The following CASK variants were observed in gnomAD, a reference collection of about 807,000 sequenced individuals.
CASK encodes the protein peripheral plasma membrane protein CASK.
In CASK, 4 loss-of-function variants were observed where a neutral mutation model predicts 82.9. The observed-to-expected ratio is 0.05, with a 90% CI of 0.02 to 0.11. CASK has a LOEUF of 0.11. Among genes scored for constraint, CASK ranks in the 10% least tolerant of loss-of-function variants. The probability of loss-of-function intolerance (pLI) is 1.00; values close to 1 mark genes in which losing one functional copy is unlikely to be tolerated. For missense variants in CASK, 358 were observed against 720.9 expected (o/e 0.50, Z 5.76); for synonymous variants, 259 against 253.5 (o/e 1.02, Z -0.20).
intron 1 of CASK, among the ~76,000 whole-genome samples, chrX:41,859,256 G>C (rs1035282396): frequency 1.3e-4 from 14 of 111,519 alleles, no homozygotes; most frequent in African/African-American, 4.6e-4. Flanking sequence ...GGAAAGTGAA[G>C]GCCAAGAACA....
In CASK at chrX:41,610,593, A is replaced by G. The variant is rs189553748; in HGVS notation, c.1034-568T>C. Reference sequence around the variant, plus strand: ...TTTACATACAGACTCAAGAGATCCAAAGTCATTCTCATTCTGTTTTACTCT... The same window carrying G: ...TTTACATACAGACTCAAGAGATCCAGAGTCATTCTCATTCTGTTTTACTCT... On this transcript the variant is annotated intron_variant, in intron 11 of 26. Transcript: ENST00000378163. 3.6e-5 allele frequency among the ~76,000 whole-genome samples: 4 copies of G among 111,863 alleles called. No homozygotes were observed. The East Asian group carries it at 1.1e-3, about 31-fold the overall frequency.
intron 15 of CASK, among the ~76,000 whole-genome samples, chrX:41,571,613 T>G (rs1569313257): frequency 8.9e-6 from 1 of 112,029 alleles, no homozygotes; most frequent in Non-Finnish European, 1.9e-5. Context: ...TCTGTTTTAT[T>G]GATACTCTAT....
intron 5 of CASK, among the ~76,000 whole-genome samples, chrX:41,721,213 G>C (rs1243635988): frequency 9.0e-6 from 1 of 110,653 alleles, no homozygotes; most frequent in Non-Finnish European, 1.9e-5. Flanking sequence ...AATGAGAAAA[G>C]TCCAAAGGGG....
At chrX:41,812,041 A>G (rs1416798535) in intron 2 of CASK, among the ~76,000 whole-genome samples, 2 of 111,805 alleles carry the variant, frequency 1.8e-5, no homozygotes, top group Non-Finnish European at 1.9e-5. Flanking sequence ...TAAACCAGGA[A>G]GAAGTTGAAT....
rs775125695 is a variant in CASK, at chrX:41,747,907, T to A, written c.279-2306A>T. Reference sequence around the variant, plus strand: ...AAAGTCATTCATGATTGCTTTAATTTGCATTTCCTTGATTACTACAGAGAG... The same window carrying A: ...AAAGTCATTCATGATTGCTTTAATTAGCATTTCCTTGATTACTACAGAGAG... On this transcript the variant is annotated intron_variant, in intron 3 of 26. Coordinates refer to ENST00000378163, the MANE Select transcript of CASK (RefSeq NM_001367721.1). 2.0e-4 allele frequency among the ~76,000 whole-genome samples: 22 copies of A among 112,657 alleles called. 1 individual carries two copies. In the Admixed American group the frequency reaches 2.1e-3, roughly 11 times the overall value.
At chrX:41,691,059 T>TGG (rs1394959443) in intron 5 of CASK, among the ~76,000 whole-genome samples, 1 of 112,468 alleles carries the variant, frequency 8.9e-6, no homozygotes, top group East Asian at 2.8e-4. Flanking sequence ...ACAAATGCAC[T>TGG]GGCTTTGCTT....
At chrX:41,630,469 TACATTTTTAA>T (rs1327416540) in intron 9 of CASK, among the ~76,000 whole-genome samples, 1 of 111,768 alleles carries the variant, frequency 8.9e-6, no homozygotes, top group African/African-American at 3.3e-5. Flanking sequence ...GGCAGAAGGG[TACATTTTTAA>T]ACCTTAAATA....
chrX:41,549,979 G>A (rs2065073897), intron 21 of CASK, among the ~76,000 whole-genome samples: 1 of 108,887 alleles, frequency 9.2e-6, no homozygotes, highest in Non-Finnish European at 1.9e-5. Flanking sequence ...GGCCAACCTG[G>A]TGAAACCCTG....
chrX:41,539,511 T>C (rs997109813), intron 22 of CASK, among the ~76,000 whole-genome samples: 14 of 111,980 alleles, frequency 1.3e-4, no homozygotes, highest in Admixed American at 1.2e-3. Context: ...GAAAAATCCT[T>C]TTGAGATATT....
intron 1 of CASK, among the ~76,000 whole-genome samples, chrX:41,891,506 GA>G (rs1021669985): frequency 3.6e-5 from 4 of 111,849 alleles, no homozygotes; most frequent in African/African-American, 9.8e-5. Flanking sequence ...CTTATTCAAA[GA>G]AAAGGGTCAC....
At chrX:41,728,979 G>A (rs1248394357) in intron 5 of CASK, 2 of 123,301 alleles carry the variant, frequency 1.6e-5, no homozygotes, top group Non-Finnish European at 3.8e-5. Flanking sequence ...CTTTGTCAAA[G>A]TAAAAAGCTA....
intron 1 of CASK, among the ~76,000 whole-genome samples, chrX:41,915,209 C>T (rs1177175853): frequency 9.0e-6 from 1 of 111,118 alleles, no homozygotes; most frequent in East Asian, 2.8e-4. Flanking sequence ...CCCAAATCTT[C>T]ACTGCCATTC....
At chrX:41,558,189 T>C (rs1260480191) in intron 18 of CASK, 2 of 108,583 alleles carry the variant, frequency 1.8e-5, no homozygotes, top group East Asian at 5.7e-4. Flanking sequence ...TTTTGAAGTA[T>C]TGCCCTAGCT....
chrX:41,905,237 C>A (rs2072450574), intron 1 of CASK, among the ~76,000 whole-genome samples: 1 of 111,985 alleles, frequency 8.9e-6, no homozygotes, highest in African/African-American at 3.2e-5. Flanking sequence ...ATTTTTAATT[C>A]TCTTGGGCAC....
chrX:41,517,700 G>A lies in CASK; in HGVS notation c.*2720C>T. The A allele has an allele frequency of 1.9e-6, 1 of 519,610 alleles. No individual in the cohort carries two copies. Among genetic ancestry groups the A allele is most frequent in the South Asian group, 2.6e-5 (1 of 37,794 alleles). 42.8% of individuals were successfully genotyped at this position (519,610 alleles called of 1,213,427 possible). A position where few individuals can be genotyped will look rare whatever the true frequency, so the allele number is the denominator to read the frequency against. Reference sequence around the variant, plus strand: ...AAAGAAAAAAAAAGGTTCTGCTGATGGAATGGAAGCAGTAAAGAAGCTTTT... The same window carrying A: ...AAAGAAAAAAAAAGGTTCTGCTGATAGAATGGAAGCAGTAAAGAAGCTTTT... On this transcript the variant is annotated 3_prime_UTR_variant, in exon 27 of 27. Transcript: ENST00000378163.
chrX:41,912,523 G>T (rs1319580846), intron 1 of CASK, among the ~76,000 whole-genome samples: 4 of 107,824 alleles, frequency 3.7e-5, no homozygotes, highest in Non-Finnish European at 7.7e-5. Context: ...AGTCAGGCTG[G>T]TCTCAAACTC....
At chrX:41,647,953 T>C (rs1252191570) in intron 8 of CASK, among the ~76,000 whole-genome samples, 1 of 111,824 alleles carries the variant, frequency 8.9e-6, no homozygotes, top group Admixed American at 9.5e-5. Flanking sequence ...CAACATGAAA[T>C]GTAGGCACCT....
intron 2 of CASK, among the ~76,000 whole-genome samples, chrX:41,836,216 C>CA (rs759095894): frequency 2.2e-4 from 24 of 108,977 alleles, no homozygotes; most frequent in African/African-American, 7.3e-4. Flanking sequence ...TGAAGAAAAA[C>CA]AAAAAAAAAT....
chrX:41,543,207 A>G (rs1432859365), intron 21 of CASK, among the ~76,000 whole-genome samples: 1 of 112,214 alleles, frequency 8.9e-6, no homozygotes, highest in Non-Finnish European at 1.9e-5. Context: ...CTTTCTAACA[A>G]CACAGGGAAT....
Sources: allele counts gnomAD v4.1 joint callset (sites outside exome capture counted in the v4.1 genomes callset), GRCh38; gene constraint gnomAD v4.1.1; transcripts MANE v1.5; gene names NCBI Gene and HGNC (gene_info 2026-07-23, HGNC 2026-07-21).